CSDE1: variants seen among roughly 807,000 people sequenced by gnomAD.
CSDE1 encodes cold shock domain containing E1, also known as cold shock domain-containing protein E1.
Under a neutral mutation model 89.3 loss-of-function variants are expected in CSDE1, and 17 were observed. The ratio of observed to expected loss-of-function variants is 0.19; its 90% CI spans 0.13 to 0.29. The LOEUF (loss-of-function observed/expected upper bound fraction) is 0.29, where lower values mean the gene tolerates loss of function less well. Among genes scored for constraint, CSDE1 ranks in the 10% least tolerant of loss-of-function variants. CSDE1 has a pLI of 1.00. For missense variants in CSDE1, 672 were observed against 984.2 expected (o/e 0.68, Z 4.24); for synonymous variants, 322 against 332.8 (o/e 0.97, Z 0.35).
At chr1:114,752,618 A>AT (rs1661369308) in intron 1 of CSDE1, among the ~76,000 whole-genome samples, 1 of 151,982 alleles carries the variant, frequency 6.6e-6, no homozygotes, top group South Asian at 2.1e-4. Context: ...CTTAAACACA[A>AT]CTCTTGGGAG....
chr1:114,737,926 G>C, intron 4 of CSDE1, 37 bp downstream of exon 4: 1 of 1,339,992 alleles, frequency 7.5e-7, no homozygotes, highest in Non-Finnish European at 1.1e-6. Flanking sequence ...TGCAAATGCA[G>C]GGCCCTAAAA....
At chr1:114,737,922 T>C in intron 4 of CSDE1, 41 bp downstream of exon 4, 3 of 1,310,764 alleles carry the variant, frequency 2.3e-6, no homozygotes, top group Non-Finnish European at 3.3e-6. Flanking sequence ...GATATGCAAA[T>C]GCAGGGCCCT....
intron 16 of CSDE1, among the ~76,000 whole-genome samples, chr1:114,723,365 G>A (rs1010150007): frequency 1.3e-5 from 2 of 152,096 alleles, no homozygotes; most frequent in East Asian, 3.9e-4. Context: ...GAAGATAGAT[G>A]GGGAAAAAAG....
chr1:114,723,062 C>T lies in CSDE1; in HGVS notation c.1873+821G>A, dbSNP rs376705348. Among the ~76,000 whole-genome samples the T allele has an allele frequency of 7.2e-5, 11 of 152,142 alleles. No homozygotes were observed. In the South Asian group the frequency reaches 2.3e-3, roughly 32 times the overall value. On this transcript the variant is annotated intron_variant, in intron 16 of 19. Transcript: ENST00000358528. ...ATAGTAGAGACGGGGTTTCACCATG[C>T]TGGCCAGGCTGGTCACGAACTCCTG...
chr1:114,725,395 G>T, intron 14 of CSDE1, 62 bp from the exon 15 acceptor site: 1 of 1,280,576 alleles, frequency 7.8e-7, no homozygotes. Flanking sequence ...GTAACAGGCA[G>T]TCTTTATTTT....
At chr1:114,720,836 T>C (rs2101008796) in intron 16 of CSDE1, 119 bp from the exon 17 acceptor site, 1 of 868,788 alleles carries the variant, frequency 1.2e-6, no homozygotes, top group East Asian at 2.7e-5. Context: ...TATTTACATT[T>C]TCAGTACTCA....
In CSDE1 at chr1:114,717,779, A is replaced by G. The variant is rs1659268869; in HGVS notation, c.*390T>C. Reference sequence around the variant, plus strand: ...TGCTAAGGCAGAACATCTTGCCAGAAGTAATTAATGAAGGTAGAGTATATA... The same window carrying G: ...TGCTAAGGCAGAACATCTTGCCAGAGGTAATTAATGAAGGTAGAGTATATA... On this transcript the variant is annotated 3_prime_UTR_variant, in exon 20 of 20. Coordinates refer to ENST00000358528, the MANE Select transcript of CSDE1 (RefSeq NM_001007553.3). 1 of 183,572 alleles carries G rather than the reference A, an allele frequency of 5.4e-6. No homozygotes were observed. The highest frequency in any genetic ancestry group is 2.4e-5 in the African/African-American group (1 of 42,446). The allele number at this position is 183,572 out of a possible 1,614,324, so 11.4% of individuals were successfully genotyped here. A position where few individuals can be genotyped will look rare whatever the true frequency, so the allele number is the denominator to read the frequency against.
At position 114,736,741 on chromosome 1, in the gene CSDE1, A is replaced by T. The variant is rs182621667; in HGVS notation, c.500+17T>A. 1,136 of 1,440,326 alleles carry T rather than the reference A, an allele frequency of 7.9e-4. 9 individuals are homozygous for T. In the African/African-American group the frequency reaches 0.013, roughly 17 times the overall value. 89.2% of individuals were successfully genotyped at this position (1,440,326 alleles called of 1,614,324 possible). ...AAAAACCGCTTAGGTGAGAAAATTTAAAAAAAAAGAACTTACTGTTTATTG... is the reference window on the plus strand; with the variant it reads ...AAAAACCGCTTAGGTGAGAAAATTTTAAAAAAAAGAACTTACTGTTTATTG... On this transcript the variant is annotated intron_variant, in intron 6 of 19. Transcript: ENST00000358528.
At chr1:114,731,576 G>A (rs184315229) in intron 10 of CSDE1, among the ~76,000 whole-genome samples, 48 of 151,926 alleles carry the variant, frequency 3.2e-4, no homozygotes, top group African/African-American at 1.1e-3. Flanking sequence ...GATCCCAAAC[G>A]TAACTAAATG....
In CSDE1 at chr1:114,753,626, C is replaced by G. The variant is rs368010706; in HGVS notation, c.-387-3419G>C. Among the ~76,000 whole-genome samples, 90 of 152,256 alleles carry G rather than the reference C, an allele frequency of 5.9e-4. No homozygotes were observed. The South Asian group carries it at 9.3e-3, about 16-fold the overall frequency. On this transcript the variant is annotated intron_variant, in intron 1 of 19. Coordinates refer to ENST00000358528, the MANE Select transcript of CSDE1 (RefSeq NM_001007553.3). ...CTTGAAACTTAAGTTGCATGAAACA[C>G]TGGGTATTGGGCTGGGGTGGTGGCT...
chr1:114,748,796 C>A (rs746001726), intron 2 of CSDE1, among the ~76,000 whole-genome samples: 7 of 152,214 alleles, frequency 4.6e-5, no homozygotes, highest in Non-Finnish European at 1.0e-4. Flanking sequence ...CCATCCTCAG[C>A]CTTTCCCTCA....
At chr1:114,721,450 G>C (rs1659515827) in intron 16 of CSDE1, among the ~76,000 whole-genome samples, 1 of 152,166 alleles carries the variant, frequency 6.6e-6, no homozygotes, top group African/African-American at 2.4e-5. Flanking sequence ...TAAAAACTAT[G>C]CCAAAGAATT....
intron 2 of CSDE1, among the ~76,000 whole-genome samples, chr1:114,749,378 G>T (rs544476203): frequency 2.0e-5 from 3 of 152,226 alleles, no homozygotes; most frequent in African/African-American, 7.2e-5. Flanking sequence ...ACTGTATACC[G>T]TTCACAAATA....
At chr1:114,741,784 C>CTTTTT in intron 2 of CSDE1, 1 of 761,536 alleles carries the variant, frequency 1.3e-6, no homozygotes, top group Non-Finnish European at 1.9e-6. Context: ...AATTAGATTT[C>CTTTTT]TATTGACAGG....
chr1:114,725,028 C>G (rs970552158), intron 15 of CSDE1, among the ~76,000 whole-genome samples, 193 bp downstream of exon 15: 1 of 152,210 alleles, frequency 6.6e-6, no homozygotes, highest in Admixed American at 6.5e-5. Context: ...TGCCCACTCA[C>G]AGAGTTTCAG....
At chr1:114,748,898 C>G (rs1323277620) in intron 2 of CSDE1, among the ~76,000 whole-genome samples, 1 of 152,148 alleles carries the variant, frequency 6.6e-6, no homozygotes, top group Non-Finnish European at 1.5e-5. Flanking sequence ...GGGGAAAAAC[C>G]CTTAAGCCCT....
At chr1:114,732,501 A>C in intron 10 of CSDE1, 103 bp downstream of exon 10, 1 of 993,168 alleles carries the variant, frequency 1.0e-6, no homozygotes, top group Non-Finnish European at 1.5e-6. Context: ...AATGCCCATT[A>C]GGGTCATTTA....
At chr1:114,755,649 C>T (rs1208427389) in intron 1 of CSDE1, among the ~76,000 whole-genome samples, 1 of 152,190 alleles carries the variant, frequency 6.6e-6, no homozygotes, top group Non-Finnish European at 1.5e-5. Flanking sequence ...GTAGTTTCAC[C>T]ACTTACAACA....
chr1:114,719,713 A>C lies in CSDE1; in HGVS notation c.2082T>G (p.Asp694Glu). ...QFGFINYEVG[D>E]SKKLFFHVKE... The stretch of plus-strand genomic sequence containing the variant: ...TCACATGGAAAAAGAGCTTCTTGCT[A>C]TCTCCTACTTCATAGTTAATGAAGC... Residue 694 changes from aspartate to glutamate, a missense_variant, in exon 18 of 20, where the codon GAT (aspartate) becomes GAG (glutamate). Physicochemically the swap from Asp to Glu is conservative, Grantham distance 45 (BLOSUM62 2). Around this residue, in one of 8 missense-constraint regions of CSDE1, gnomAD observed 206 missense variants for 332.4 expected, o/e 0.62. Coordinates refer to ENST00000358528, the MANE Select transcript of CSDE1 (RefSeq NM_001007553.3). 3 of 1,613,972 alleles carry C rather than the reference A, an allele frequency of 1.9e-6. No homozygotes were observed. The highest frequency in any genetic ancestry group is 1.7e-6 in the Non-Finnish European group (2 of 1,179,964).
Sources: gnomAD v4.1 joint callset for allele counts (sites outside exome capture counted in the v4.1 genomes callset) on GRCh38, gnomAD v4.1.1 for gene constraint, gnomAD v4.1.1 regional missense constraint, MANE v1.5 for transcripts, NCBI Gene and HGNC (gene_info 2026-07-23, HGNC 2026-07-21) for gene names.